TET2: variants seen among roughly 807,000 people sequenced by gnomAD.
TET2 encodes the protein methylcytosine dioxygenase TET2.
A neutral mutation model predicts 142.9 loss-of-function variants in TET2; 299 were observed. The observed-to-expected ratio is 2.09, with a 90% CI of 1.90 to 2.30. The LOEUF (loss-of-function observed/expected upper bound fraction) is 2.30. TET2 is among the 30% of genes most tolerant of loss of function. The pLI is 0.00. For synonymous variants in TET2, 819 were observed against 849.0 expected, an observed-to-expected ratio of 0.96 and a Z score of 0.61; for missense variants, 2,418 against 2,378.0, an observed-to-expected ratio of 1.02 and a Z score of -0.35.
chr4:105,216,934 G>T (rs1727529982), intron 2 of TET2, among the ~76,000 whole-genome samples: 1 of 152,006 alleles, frequency 6.6e-6, no homozygotes, highest in Admixed American at 6.6e-5. Flanking sequence ...TTCTTTGCAG[G>T]TAGTTAAGTC....
At chr4:105,210,736 C>T (rs1006147439) in intron 2 of TET2, among the ~76,000 whole-genome samples, 2 of 152,130 alleles carry the variant, frequency 1.3e-5, no homozygotes, top group Non-Finnish European at 2.9e-5. Context: ...TAATCCATTA[C>T]CAAGTTGTTC....
At chr4:105,242,668 C>T (rs1384197869) in intron 4 of TET2, 166 bp from the exon 5 acceptor site, 1 of 1,370,730 alleles carries the variant, frequency 7.3e-7, no homozygotes, top group Non-Finnish European at 9.4e-7. Flanking sequence ...GCTTAAAAAC[C>T]ATTATCCAGT....
chr4:105,221,652 C>G (rs552112352), intron 2 of TET2, among the ~76,000 whole-genome samples: 31 of 152,152 alleles, frequency 2.0e-4, no homozygotes, highest in South Asian at 6.2e-4. Flanking sequence ...AATGGAGGAA[C>G]TTTCTCTGAG....
chr4:105,163,806 CGAGAGA>C (rs59658275), intron 1 of TET2, among the ~76,000 whole-genome samples: 5,952 of 79,420 alleles, frequency 0.075, 259 homozygotes, highest in East Asian at 0.26. Context: ...TCGAAAGTTT[CGAGAGA>C]GAGAGAGAGA....
intron 3 of TET2, chr4:105,240,932 T>C: frequency 9.2e-7 from 1 of 1,081,978 alleles, no homozygotes; most frequent in Middle Eastern, 4.2e-4. Context: ...CAGGAAATTT[T>C]ATTTTTAATC....
chr4:105,230,800 T>C lies in TET2; in HGVS notation c.-46-3097T>C, dbSNP rs557597486. On this transcript the variant is annotated intron_variant, in intron 2 of 10. Coordinates refer to ENST00000380013, the MANE Select transcript of TET2 (RefSeq NM_001127208.3). ...AAACTTTCCCATCTTTTATGACTTC[T>C]AGATTTTGTTTCACAAAAAAAGAGC... 4.6e-5 allele frequency among the ~76,000 whole-genome samples: 7 copies of C among 152,324 alleles called. No homozygotes were observed. In the South Asian group the frequency reaches 1.4e-3, roughly 32 times the overall value.
chr4:105,180,918 C>T (rs564831643), intron 1 of TET2, among the ~76,000 whole-genome samples: 24 of 152,294 alleles, frequency 1.6e-4, no homozygotes, highest in Admixed American at 3.9e-4. Context: ...GAATTACAGG[C>T]GTGAGGCACT....
rs1208009436 is a variant in TET2, at chr4:105,277,685, ATGCTATAC to A, written c.*1169_*1176del. On this transcript the variant is annotated 3_prime_UTR_variant, in exon 11 of 11. Transcript: ENST00000380013. ...ACATGTTTTCTGGTGCTCATCTCAC[ATGCTATAC>A]TGTAAAACAGTTTTATACAAAATTG... 1.7e-5 allele frequency: 4 copies of A among 228,990 alleles called. No individual in the cohort carries two copies. Among genetic ancestry groups the A allele is most frequent in the Non-Finnish European group, 2.6e-5 (3 of 115,438 alleles). 14.2% of individuals were successfully genotyped at this position (228,990 alleles called of 1,614,324 possible). A position where few individuals can be genotyped will look rare whatever the true frequency, so the allele number is the denominator to read the frequency against.
intron 1 of TET2, among the ~76,000 whole-genome samples, chr4:105,183,740 A>G (rs758424198): frequency 7.2e-5 from 11 of 152,190 alleles, no homozygotes; most frequent in East Asian, 1.9e-4. Flanking sequence ...CTAGCTCCCA[A>G]TAGAATTATT....
intron 1 of TET2, among the ~76,000 whole-genome samples, chr4:105,162,352 TACTA>T (rs879890929): frequency 4.6e-5 from 7 of 152,310 alleles, no homozygotes; most frequent in Admixed American, 6.5e-5. Context: ...GTGTCTATCT[TACTA>T]ACTGTTTAAT....
In TET2 at chr4:105,279,479, C is replaced by G. The variant is rs148617800; in HGVS notation, c.*2960C>G. Reference sequence around the variant, plus strand: ...TGAAAATGCTTCTGAGTGGTGTCAACTTTACTTGAATGAATTTTTCATCTT... The same window carrying G: ...TGAAAATGCTTCTGAGTGGTGTCAAGTTTACTTGAATGAATTTTTCATCTT... On this transcript the variant is annotated 3_prime_UTR_variant, in exon 11 of 11. Coordinates refer to ENST00000380013, the MANE Select transcript of TET2 (RefSeq NM_001127208.3). 3 of 232,518 alleles carry G rather than the reference C, an allele frequency of 1.3e-5. No homozygotes were observed. The highest frequency in any genetic ancestry group is 4.4e-5 in the African/African-American group (2 of 45,312). The allele number at this position is 232,518 out of a possible 1,614,324, so 14.4% of individuals were successfully genotyped here. A position where few individuals can be genotyped will look rare whatever the true frequency, so the allele number is the denominator to read the frequency against.
intron 2 of TET2, among the ~76,000 whole-genome samples, chr4:105,231,953 T>G (rs887179590): frequency 6.6e-6 from 1 of 152,174 alleles, no homozygotes; most frequent in Non-Finnish European, 1.5e-5. Flanking sequence ...CCTTGGGGGT[T>G]TGGTGTACAG....
At chr4:105,151,253 C>T (rs1190911066) in intron 1 of TET2, among the ~76,000 whole-genome samples, 4 of 152,112 alleles carry the variant, frequency 2.6e-5, no homozygotes, top group Non-Finnish European at 4.4e-5. Flanking sequence ...CTCAAGTGTT[C>T]TAACTTATAG....
chr4:105,214,301 ATTTTTT>A (rs35390923), intron 2 of TET2, among the ~76,000 whole-genome samples: 5 of 86,036 alleles, frequency 5.8e-5, no homozygotes, highest in South Asian at 9.3e-4. Context: ...CCCGAGGGAG[ATTTTTT>A]TTTTTTTTTT....
Position 105,261,822 on chromosome 4 carries a change from C to G in TET2, c.4018C>G (p.Leu1340Val). Residue 1340 changes from leucine to valine, a missense_variant, in exon 8 of 11, where the codon CTT becomes GTT. Physicochemically the swap from Leu to Val is conservative, Grantham distance 32. Transcript: ENST00000380013. ...TCTTATGGCACCAACATATAAGAAA[C>G]TTGCACCTGATGCATATAATAATCA... ...STLMAPTYKK[L>V]APDAYNNQIE... is the part of the protein sequence containing the mutation. 3 of 1,548,384 alleles carry G rather than the reference C, an allele frequency of 1.9e-6. No individual in the cohort carries two copies. The highest frequency in any genetic ancestry group is 1.7e-6 in the Non-Finnish European group (2 of 1,144,814).
chr4:105,224,272 C>T (rs539334380), intron 2 of TET2, among the ~76,000 whole-genome samples: 3 of 152,056 alleles, frequency 2.0e-5, no homozygotes, highest in East Asian at 1.9e-4. Context: ...TTGAGTAATC[C>T]GAAGAGTCAA....
Position 105,233,919 on chromosome 4 carries a change from G to C in TET2, c.-24G>C. The C allele has an allele frequency of 6.3e-7, 1 of 1,590,202 alleles. No individual in the cohort carries two copies. The highest frequency in any genetic ancestry group is 1.2e-5 in the South Asian group (1 of 86,474). On this transcript the variant is annotated 5_prime_UTR_variant, in exon 3 of 11. Transcript: ENST00000380013. ...TAGAATTCAACTAGAGGGCAGCCTTGTGGATGGCCCCGAAGCAAGCCTGAT... is the reference window on the plus strand; with the variant it reads ...TAGAATTCAACTAGAGGGCAGCCTTCTGGATGGCCCCGAAGCAAGCCTGAT...
At chr4:105,180,242 C>G (rs972945936) in intron 1 of TET2, among the ~76,000 whole-genome samples, 3 of 152,198 alleles carry the variant, frequency 2.0e-5, no homozygotes, top group Non-Finnish European at 2.9e-5. Context: ...ACAAGCTTCT[C>G]TAAATGCAGA....
At chr4:105,205,140 T>G (rs892288039) in intron 2 of TET2, among the ~76,000 whole-genome samples, 1 of 152,294 alleles carries the variant, frequency 6.6e-6, no homozygotes, top group East Asian at 1.9e-4. Context: ...AAATTCCTTA[T>G]TTCAAAGCTT....
Sources: allele counts gnomAD v4.1 joint callset (sites outside exome capture counted in the v4.1 genomes callset), GRCh38; gene constraint gnomAD v4.1.1; transcripts MANE v1.5; gene names NCBI Gene and HGNC (gene_info 2026-07-23, HGNC 2026-07-21).